Variants in MAP3K7CL observed in about 807,000 individuals in gnomAD.
The protein encoded by MAP3K7CL is MAP3K7 C-terminal-like protein.
Under a neutral mutation model 18.6 loss-of-function variants are expected in MAP3K7CL, and 16 were observed. The ratio of observed to expected loss-of-function variants is 0.86; its 90% confidence interval spans 0.58 to 1.31. The LOEUF (loss-of-function observed/expected upper bound fraction) is 1.31. Ranked by LOEUF, MAP3K7CL falls within the 50% of genes most tolerant of loss-of-function variation. The pLI is 0.00. For synonymous variants in MAP3K7CL, 65 were observed against 66.8 expected (o/e 0.97, Z 0.13); for missense variants, 163 against 174.4 (o/e 0.93, Z 0.37).
intron 4 of MAP3K7CL, among the ~76,000 whole-genome samples, chr21:29,101,633 C>T (rs1375722033): frequency 6.6e-6 from 1 of 152,144 alleles, no homozygotes; most frequent in East Asian, 1.9e-4. Flanking sequence ...TGGTCTCGAT[C>T]TCCTGACCTC....
chr21:29,152,680 AG>A (rs1230688414), intron 3 of MAP3K7CL, among the ~76,000 whole-genome samples: 2 of 152,322 alleles, frequency 1.3e-5, no homozygotes, highest in East Asian at 3.9e-4. Flanking sequence ...AGTACCTATT[AG>A]GCAAGGGGTG....
At chr21:29,144,355 G>A (rs528716337) in intron 2 of MAP3K7CL, among the ~76,000 whole-genome samples, 18 of 152,208 alleles carry the variant, frequency 1.2e-4, no homozygotes, top group African/African-American at 3.9e-4. Context: ...AGTGGAGACA[G>A]GTTTTCACCA....
chr21:29,096,323 T>G lies in MAP3K7CL; in HGVS notation c.370+3742T>G, dbSNP rs181384862. Among the ~76,000 whole-genome samples, 8 of 152,314 alleles carry G rather than the reference T, an allele frequency of 5.3e-5. No individual in the cohort carries two copies. The East Asian group carries it at 1.5e-3, about 29-fold the overall frequency. ...GGAATATATCAGTGAATAAGACAGA[T>G]GCAGTTCCCTGATCTCACAAAGCTC... On this transcript the variant is annotated intron_variant, in intron 4 of 6. Coordinates refer to the MAP3K7CL transcript ENST00000286791.
chr21:29,150,014 GA>G (rs2087233043), intron 3 of MAP3K7CL, among the ~76,000 whole-genome samples: 1 of 152,172 alleles, frequency 6.6e-6, no homozygotes, highest in South Asian at 2.1e-4. Flanking sequence ...CCTGTACACA[GA>G]CATTTCTTAG....
intron 4 of MAP3K7CL, among the ~76,000 whole-genome samples, chr21:29,110,401 A>G (rs1433283990): frequency 1.3e-5 from 2 of 151,292 alleles, no homozygotes; most frequent in Non-Finnish European, 2.9e-5. Flanking sequence ...TTATCTCTGT[A>G]TCTTTTTTTT....
At chr21:29,169,131 C>T (rs1476134368) in intron 4 of MAP3K7CL, among the ~76,000 whole-genome samples, 1 of 152,166 alleles carries the variant, frequency 6.6e-6, no homozygotes, top group East Asian at 1.9e-4. Flanking sequence ...GCTAGACTTC[C>T]TACAACGCCA....
chr21:29,083,287 C>G (rs1302105580), upstream of MAP3K7CL, among the ~76,000 whole-genome samples: 2 of 129,944 alleles, frequency 1.5e-5, no homozygotes, highest in Non-Finnish European at 3.4e-5. Context: ...GCAAAATTCC[C>G]TCAATGCCGT....
At chr21:29,135,906 G>T (rs994209015) in intron 2 of MAP3K7CL, among the ~76,000 whole-genome samples, 15 of 152,058 alleles carry the variant, frequency 9.9e-5, no homozygotes, top group African/African-American at 3.6e-4. Context: ...TAATCTTATG[G>T]TCAGTGTGTC....
At chr21:29,130,561 T>C, upstream of MAP3K7CL, 1 of 980,914 alleles carries the variant, frequency 1.0e-6, no homozygotes. Flanking sequence ...AATTAAAACA[T>C]TTGGACTCCC....
At chr21:29,170,466 A>G (rs2087797606) in intron 4 of MAP3K7CL, among the ~76,000 whole-genome samples, 1 of 151,918 alleles carries the variant, frequency 6.6e-6, no homozygotes, top group South Asian at 2.1e-4. Flanking sequence ...ATATGGAGCC[A>G]GGGAAATAGC....
chr21:29,107,492 C>A (rs936792040), intron 4 of MAP3K7CL, among the ~76,000 whole-genome samples: 8 of 152,126 alleles, frequency 5.3e-5, no homozygotes, highest in East Asian at 1.9e-4. Flanking sequence ...GTAAGTGAAT[C>A]ATGATAATCC....
chr21:29,111,117 G>A (rs545610819), intron 4 of MAP3K7CL, among the ~76,000 whole-genome samples: 2 of 152,140 alleles, frequency 1.3e-5, no homozygotes, highest in African/African-American at 2.4e-5. Context: ...TTAGCCAGGC[G>A]TGGTGGTGAG....
rs563565782 is a variant in MAP3K7CL, at chr21:29,171,116, T to A, written c.249-3596T>A. ...AGGCTTGATTTCTGGCTCACTCTTA[T>A]TAGCTGTGTGACTTTTTCCTTTAAA... On this transcript the variant is annotated intron_variant, in intron 4 of 4. Transcript: ENST00000399928. Among the ~76,000 whole-genome samples the A allele has an allele frequency of 4.6e-5, 7 of 152,344 alleles. No individual in the cohort carries two copies. In the South Asian group the frequency reaches 1.5e-3, roughly 32 times the overall value.
At chr21:29,165,053 C>A (rs1210945493) in intron 4 of MAP3K7CL, among the ~76,000 whole-genome samples, 1 of 151,760 alleles carries the variant, frequency 6.6e-6, no homozygotes, top group East Asian at 1.9e-4. Flanking sequence ...AAATCTATCA[C>A]CAAATTTAGA....
intron 4 of MAP3K7CL, among the ~76,000 whole-genome samples, chr21:29,107,579 T>G (rs933533757): frequency 2.0e-5 from 3 of 152,116 alleles, no homozygotes; most frequent in Non-Finnish European, 4.4e-5. Context: ...CTGGGAAAGA[T>G]TTTCTTCCCT....
At chr21:29,144,329 T>C (rs543349172) in intron 2 of MAP3K7CL, among the ~76,000 whole-genome samples, 1 of 152,176 alleles carries the variant, frequency 6.6e-6, no homozygotes, top group Admixed American at 6.5e-5. Context: ...CAAGCCAGGC[T>C]GATTTTTGTA....
rs2087823768 is a variant in MAP3K7CL at position 29,171,435 on chromosome 21, C to G, written c.249-3277C>G. Among the ~76,000 whole-genome samples, 4 of 152,302 alleles carry G rather than the reference C, an allele frequency of 2.6e-5. No individual in the cohort carries two copies. The South Asian group carries it at 8.3e-4, about 32-fold the overall frequency. ...TGGGTGCAGGAAGAAAATACTAGAA[C>G]TTTTATCCTTATTTACTCCTTGTCT... On this transcript the variant is annotated intron_variant, in intron 4 of 4. Transcript: ENST00000399928.
upstream of MAP3K7CL, among the ~76,000 whole-genome samples, chr21:29,082,385 T>C (rs1388944708): frequency 1.3e-5 from 2 of 152,122 alleles, no homozygotes; most frequent in Non-Finnish European, 2.9e-5. Flanking sequence ...TAGGACTGGT[T>C]GGGTGGTTTG....
Position 29,133,339 on chromosome 21 carries a change from G to A in MAP3K7CL, c.-6G>A. 1 of 1,550,406 alleles carries A rather than the reference G, an allele frequency of 6.4e-7. No homozygotes were observed. The highest frequency in any genetic ancestry group is 8.7e-7 in the Non-Finnish European group (1 of 1,146,866). On this transcript the variant is annotated 5_prime_UTR_variant, in exon 2 of 5. Coordinates refer to ENST00000399928, the MANE Select transcript of MAP3K7CL (RefSeq NM_001286620.2). ...CCCAGGAGAAGGCGGAGGCTCAGGTGCCCACATGATCAGCACAGCCAGGGT... is the reference window on the plus strand; with the variant it reads ...CCCAGGAGAAGGCGGAGGCTCAGGTACCCACATGATCAGCACAGCCAGGGT...
Sources: allele counts gnomAD v4.1 joint callset (sites outside exome capture counted in the v4.1 genomes callset), GRCh38; gene constraint gnomAD v4.1.1; transcripts MANE v1.5; gene names NCBI Gene and HGNC (gene_info 2026-07-23, HGNC 2026-07-21).